VPS13B: variants seen among roughly 807,000 people sequenced by gnomAD.
The protein encoded by VPS13B is intermembrane lipid transfer protein VPS13B.
A neutral mutation model predicts 426.4 loss-of-function variants in VPS13B; 285 were observed. The ratio of observed to expected loss-of-function variants is 0.67; its 90% CI spans 0.61 to 0.74. VPS13B has a LOEUF of 0.74. Among genes scored for constraint, VPS13B ranks in the 30% least tolerant of loss-of-function variants. The pLI is 0.00. For missense variants in VPS13B, 4,537 were observed against 4,782.6 expected, an observed-to-expected ratio of 0.95 and a Z score of 1.51; for synonymous variants, 1,676 against 1,676.4, an observed-to-expected ratio of 1.00 and a Z score of 0.01.
At chr8:99,021,393 C>A (rs868614323) in intron 2 of VPS13B, among the ~76,000 whole-genome samples, 1 of 152,052 alleles carries the variant, frequency 6.6e-6, no homozygotes, top group African/African-American at 2.4e-5. Flanking sequence ...GAGGCCGAGG[C>A]GGGTGGATCA....
At chr8:99,438,064 A>G (rs1156774453) in intron 22 of VPS13B, among the ~76,000 whole-genome samples, 2 of 89,078 alleles carry the variant, frequency 2.2e-5, no homozygotes, top group Non-Finnish European at 4.3e-5. Context: ...GTACTCTCTG[A>G]GTTTTTCTGA....
At chr8:99,365,516 C>CTTCTTCTTT (rs71273182) in intron 19 of VPS13B, among the ~76,000 whole-genome samples, 6 of 102,414 alleles carry the variant, frequency 5.9e-5, no homozygotes, top group African/African-American at 2.4e-4. Flanking sequence ...TCTTCTTCTT[C>CTTCTTCTTT]TTTTTTTTTT....
At chr8:99,758,595 C>T (rs1252261086) in intron 39 of VPS13B, among the ~76,000 whole-genome samples, 1 of 152,128 alleles carries the variant, frequency 6.6e-6, no homozygotes, top group African/African-American at 2.4e-5. Flanking sequence ...CCTTTAGAAC[C>T]ACAGCCATTG....
In VPS13B at chr8:99,025,895, C is replaced by G. The variant is rs534805998; in HGVS notation, c.147+11960C>G. 1.3e-5 allele frequency among the ~76,000 whole-genome samples: 2 copies of G among 152,046 alleles called. 1 individual carries two copies. Among genetic ancestry groups the G allele is most frequent in the Admixed American group, 1.3e-4 (2 of 15,282 alleles). On this transcript the variant is annotated intron_variant, in intron 2 of 61. Coordinates refer to ENST00000357162, the MANE Select transcript of VPS13B (RefSeq NM_152564.5). ...ATCCTTTGTATTTCTGTGGTTTGGT[C>G]TCTTTTTTTCTTAGTCTGTGTAATA...
At chr8:99,106,450 A>C (rs1563543512) in intron 5 of VPS13B, among the ~76,000 whole-genome samples, 1 of 150,646 alleles carries the variant, frequency 6.6e-6, no homozygotes, top group African/African-American at 2.4e-5. Context: ...AAAAAAAAAA[A>C]AAAACCCAAA....
At chr8:99,379,938 A>G (rs1344394633) in intron 19 of VPS13B, among the ~76,000 whole-genome samples, 1 of 152,184 alleles carries the variant, frequency 6.6e-6, no homozygotes, top group Non-Finnish European at 1.5e-5. Context: ...TGAATTATAT[A>G]TTCCTGAATT....
intron 39 of VPS13B, among the ~76,000 whole-genome samples, chr8:99,751,172 A>T (rs1004403969): frequency 2.0e-5 from 3 of 151,012 alleles, no homozygotes; most frequent in East Asian, 1.9e-4. Flanking sequence ...CAGGCTTATT[A>T]TTTTTTTTTA....
At chr8:99,599,356 T>G (rs1306029526) in intron 33 of VPS13B, among the ~76,000 whole-genome samples, 4 of 152,068 alleles carry the variant, frequency 2.6e-5, no homozygotes. Flanking sequence ...ATAATTGTTT[T>G]TTCCTCACCT....
intron 19 of VPS13B, among the ~76,000 whole-genome samples, chr8:99,299,585 A>AT (rs527957296): frequency 4.1e-4 from 60 of 146,410 alleles, no homozygotes; most frequent in South Asian, 1.3e-3. Flanking sequence ...AAACTTACAG[A>AT]TTTTTTTTTT....
chr8:99,810,967 G>A (rs1813665851), intron 44 of VPS13B, among the ~76,000 whole-genome samples: 2 of 152,198 alleles, frequency 1.3e-5, no homozygotes, highest in South Asian at 4.1e-4. Context: ...AGAGAACAAG[G>A]AGTGTCACTA....
intron 23 of VPS13B, among the ~76,000 whole-genome samples, chr8:99,460,351 A>T (rs1003960337): frequency 2.0e-5 from 3 of 152,036 alleles, no homozygotes; most frequent in Non-Finnish European, 2.9e-5. Context: ...ATTATGGAAA[A>T]TTTGTTCTAA....
At chr8:99,287,586 T>C (rs1039161613) in intron 19 of VPS13B, among the ~76,000 whole-genome samples, 8 of 151,944 alleles carry the variant, frequency 5.3e-5, no homozygotes, top group African/African-American at 1.9e-4. Context: ...TGTGAAAATA[T>C]CTATCTGGAA....
intron 3 of VPS13B, among the ~76,000 whole-genome samples, chr8:99,086,216 C>T (rs1189978771): frequency 6.6e-6 from 1 of 152,122 alleles, no homozygotes; most frequent in African/African-American, 2.4e-5. Flanking sequence ...ATTTGATCTC[C>T]CATCACTGAT....
In VPS13B at chr8:99,075,884, CT is replaced by C. The variant is rs1038616953; in HGVS notation, c.292-20425del. 2.6e-5 allele frequency among the ~76,000 whole-genome samples: 4 copies of C among 152,138 alleles called. 1 individual carries two copies. The highest frequency in any genetic ancestry group is 2.9e-5 in the Non-Finnish European group (2 of 67,972). On this transcript the variant is annotated intron_variant, in intron 3 of 61. Coordinates refer to ENST00000357162, the MANE Select transcript of VPS13B (RefSeq NM_152564.5). ...AGTCTCTAGTTATTTCTGCTCTGAT[CT>C]TTATTGTTTCCTTGTGCTAGCTTTG...
intron 30 of VPS13B, among the ~76,000 whole-genome samples, chr8:99,528,346 T>C (rs1822758606): frequency 6.6e-6 from 1 of 152,120 alleles, no homozygotes; most frequent in African/African-American, 2.4e-5. Flanking sequence ...GATTAATTCA[T>C]TTATTAAATA....
At chr8:99,019,993 A>C (rs1007214941) in intron 2 of VPS13B, among the ~76,000 whole-genome samples, 2 of 152,228 alleles carry the variant, frequency 1.3e-5, no homozygotes, top group African/African-American at 4.8e-5. Context: ...GTATATACCC[A>C]GAAGTGGAAT....
intron 15 of VPS13B, among the ~76,000 whole-genome samples, chr8:99,165,338 C>T (rs1261593988): frequency 1.3e-5 from 2 of 151,996 alleles, no homozygotes; most frequent in Admixed American, 6.6e-5. Context: ...ACCTCCTCTC[C>T]CCGAGAGATG....
chr8:99,424,828 TGAA>T (rs1479843437), intron 21 of VPS13B, among the ~76,000 whole-genome samples: 1 of 151,474 alleles, frequency 6.6e-6, no homozygotes, highest in Non-Finnish European at 1.5e-5. Context: ...GCAAGACTAA[TGAA>T]GAAGAAAAGA....
chr8:99,864,757 T>A (rs2130950905), intron 58 of VPS13B, among the ~76,000 whole-genome samples: 1 of 152,248 alleles, frequency 6.6e-6, no homozygotes, highest in Middle Eastern at 3.4e-3. Context: ...TTCATAACCC[T>A]TCATAGCTTC....
Sources: allele counts gnomAD v4.1 joint callset (sites outside exome capture counted in the v4.1 genomes callset), GRCh38; gene constraint gnomAD v4.1.1; transcripts MANE v1.5; gene names NCBI Gene and HGNC (gene_info 2026-07-23, HGNC 2026-07-21).